The following RGSL1 variants were observed in gnomAD, a reference collection of about 807,000 sequenced individuals.
RGSL1 encodes the protein regulator of G protein signaling protein-like.
Under a neutral mutation model 124.7 loss-of-function variants are expected in RGSL1, and 97 were observed. The ratio of observed to expected loss-of-function variants is 0.78; its 90% CI spans 0.66 to 0.92. The LOEUF is 0.92. Ranked by LOEUF, RGSL1 falls within the 40% of genes least tolerant of loss-of-function variation. The pLI, the probability that RGSL1 is intolerant of heterozygous loss-of-function variation, is 0.00. For synonymous variants in RGSL1, 424 were observed against 438.1 expected (o/e 0.97, Z 0.40); for missense variants, 1,233 against 1,288.4 (o/e 0.96, Z 0.66).
intron 17 of RGSL1, chr1:182,550,844 T>G: frequency 2.1e-6 from 1 of 479,064 alleles, no homozygotes; most frequent in Non-Finnish European, 3.7e-6. Context: ...ACAGGCTCCA[T>G]TCACTGATGG....
At chr1:182,508,284 G>A (rs1656984654) in intron 9 of RGSL1, among the ~76,000 whole-genome samples, 1 of 134,276 alleles carries the variant, frequency 7.4e-6, no homozygotes, top group African/African-American at 2.8e-5. Context: ...TGTTGGTGGT[G>A]GTGGTGTTTT....
chr1:182,491,649 A>G lies in RGSL1; in HGVS notation c.1718-1373A>G, dbSNP rs531274793. 2.2e-4 allele frequency among the ~76,000 whole-genome samples: 33 copies of G among 152,052 alleles called. No individual in the cohort carries two copies. In the South Asian group the frequency reaches 6.7e-3, roughly 31 times the overall value. On this transcript the variant is annotated intron_variant, in intron 8 of 21. Coordinates refer to ENST00000294854, the MANE Select transcript of RGSL1 (RefSeq NM_001137669.2). ...GCAGAAATAACCCACTGCTCTTAAC[A>G]CTTTTGGTCAAGATTCTCCTTGATT...
intron 9 of RGSL1, among the ~76,000 whole-genome samples, chr1:182,509,273 G>A (rs1657109558): frequency 2.0e-5 from 1 of 49,574 alleles, no homozygotes; most frequent in Non-Finnish European, 5.4e-5. Context: ...CCGGGCAGAG[G>A]CGCCCCTCAC....
chr1:182,509,463 C>T (rs1265044310), intron 9 of RGSL1, among the ~76,000 whole-genome samples: 12 of 52,072 alleles, frequency 2.3e-4, no homozygotes, highest in African/African-American at 7.4e-4. Flanking sequence ...ACCTCCCTCC[C>T]GGACGGGGCG....
At chr1:182,544,092 T>C (rs971295425) in intron 15 of RGSL1, among the ~76,000 whole-genome samples, 1 of 152,076 alleles carries the variant, frequency 6.6e-6, no homozygotes, top group African/African-American at 2.4e-5. Context: ...CAACATTAGG[T>C]TGTTTATTTG....
At chr1:182,539,732 A>T (rs1163985024) in intron 14 of RGSL1, among the ~76,000 whole-genome samples, 1 of 152,178 alleles carries the variant, frequency 6.6e-6, no homozygotes, top group Non-Finnish European at 1.5e-5. Context: ...CACACAATCC[A>T]AATCTTCTAG....
rs529276989 is a variant in RGSL1 at position 182,459,960 on chromosome 1, C to T, written c.172-44C>T. ...ACTAAGTTGTATTTTTTTAGCAGTT[C>T]GGTTTCACTTAGCATTTTTGTTTCT... On this transcript the variant is annotated intron_variant, in intron 3 of 21. Coordinates refer to ENST00000294854, the MANE Select transcript of RGSL1 (RefSeq NM_001137669.2). 65 of 1,535,124 alleles carry T rather than the reference C, an allele frequency of 4.2e-5. No individual in the cohort carries two copies. The African/African-American group carries it at 5.2e-4, about 12-fold the overall frequency.
chr1:182,554,691 G>C lies in RGSL1; in HGVS notation c.3195G>C (p.Gln1065His), dbSNP rs1318570561. 1.3e-6 allele frequency: 2 copies of C among 1,551,618 alleles called. No homozygotes were observed. Among genetic ancestry groups the C allele is most frequent in the Non-Finnish European group, 1.7e-6 (2 of 1,146,952 alleles). ...CTGCCATGCAGCTGCATCCCGTCCA[G>C]GGGTAGGCATGAGCTGGAAATCCTC... is the stretch of plus-strand genomic sequence containing the variant. ...VVSAMQLHPV[Q>H]GQKLSYIKKE... The change falls in exon 20 of 22, where the codon CAG (glutamine) becomes CAC (histidine). Residue 1065 changes from glutamine (Q) to histidine (H), a missense_variant and splice_region_variant. Coordinates refer to ENST00000294854, the MANE Select transcript of RGSL1 (RefSeq NM_001137669.2).
At chr1:182,478,560 G>A (rs1242922405) in intron 6 of RGSL1, among the ~76,000 whole-genome samples, 2 of 151,920 alleles carry the variant, frequency 1.3e-5, no homozygotes, top group African/African-American at 2.4e-5. Context: ...GAAATAAAAA[G>A]AATGAAAAAG....
intron 18 of RGSL1, among the ~76,000 whole-genome samples, chr1:182,552,662 G>T (rs1015862214): frequency 2.6e-5 from 4 of 152,124 alleles, no homozygotes; most frequent in Non-Finnish European, 5.9e-5. Flanking sequence ...ACCTCATATT[G>T]GGTAATTCAT....
At chr1:182,547,263 G>A (rs1660269846) in intron 15 of RGSL1, among the ~76,000 whole-genome samples, 1 of 152,228 alleles carries the variant, frequency 6.6e-6, no homozygotes, top group African/African-American at 2.4e-5. Context: ...ATCAGGCATA[G>A]GAAGTGTATT....
At chr1:182,467,542 T>A (rs1653444671) in intron 4 of RGSL1, among the ~76,000 whole-genome samples, 1 of 152,164 alleles carries the variant, frequency 6.6e-6, no homozygotes, top group African/African-American at 2.4e-5. Flanking sequence ...TAATAAATGG[T>A]GCTGGGAAAA....
At chr1:182,522,413 T>C (rs1245931308) in intron 10 of RGSL1, among the ~76,000 whole-genome samples, 1 of 152,174 alleles carries the variant, frequency 6.6e-6, no homozygotes, top group African/African-American at 2.4e-5. Flanking sequence ...GACATTTACA[T>C]TGTCTTTAAT....
chr1:182,488,232 T>C (rs1655242381), intron 6 of RGSL1, 53 bp from the exon 7 acceptor site: 4 of 1,504,488 alleles, frequency 2.7e-6, no homozygotes, highest in African/African-American at 1.4e-5. Context: ...GCAGGAAAGA[T>C]GCAGCAAGCT....
At chr1:182,515,206 C>T (rs2102213420) in intron 9 of RGSL1, among the ~76,000 whole-genome samples, 1 of 152,302 alleles carries the variant, frequency 6.6e-6, no homozygotes, top group Admixed American at 6.5e-5. Context: ...CTACTGTTGG[C>T]AACTTTGCGT....
At chr1:182,461,136 C>CT (rs35666062) in intron 4 of RGSL1, among the ~76,000 whole-genome samples, 10,351 of 149,050 alleles carry the variant, frequency 0.069, 523 homozygotes, top group East Asian at 0.26. Flanking sequence ...TCATTTTTCT[C>CT]TTTTTTTTTT....
intron 11 of RGSL1, 146 bp from the exon 12 acceptor site, chr1:182,530,098 A>T: frequency 1.7e-6 from 1 of 601,978 alleles, no homozygotes; most frequent in South Asian, 2.1e-5. Context: ...GAGATTTTCA[A>T]ACAAACTATG....
intron 8 of RGSL1, among the ~76,000 whole-genome samples, chr1:182,492,025 A>C (rs1392523331): frequency 3.9e-5 from 6 of 152,220 alleles, no homozygotes; most frequent in Non-Finnish European, 8.8e-5. Context: ...CTTTCTAGAA[A>C]AAAAATCCAC....
chr1:182,497,263 GTGTA>G (rs1655989773), intron 9 of RGSL1, among the ~76,000 whole-genome samples: 1 of 149,464 alleles, frequency 6.7e-6, no homozygotes, highest in African/African-American at 2.5e-5. Context: ...AATAGACTGT[GTGTA>G]TGTGTGTGTG....
Sources: allele counts gnomAD v4.1 joint callset (sites outside exome capture counted in the v4.1 genomes callset), GRCh38; gene constraint gnomAD v4.1.1; transcripts MANE v1.5; gene names NCBI Gene and HGNC (gene_info 2026-07-23, HGNC 2026-07-21).